ZNF469: variants seen among roughly 807,000 people sequenced by gnomAD.
ZNF469 encodes the protein zinc finger protein 469.
ZNF469 carries 1 observed loss-of-function variant against 1.0 expected under a neutral mutation model. That is an observed-to-expected ratio of 1.00 (90% CI 0.35 to 4.73). The LOEUF (loss-of-function observed/expected upper bound fraction) is 4.73, where lower values mean the gene tolerates loss of function less well. ZNF469 is among the 30% of genes most tolerant of loss of function. The pLI, the probability that ZNF469 is intolerant of heterozygous loss-of-function variation, is 0.16. For synonymous variants in ZNF469, 2,703 were observed against 2,363.4 expected (o/e 1.14, Z -4.17); for missense variants, 6,100 against 5,356.3 (o/e 1.14, Z -4.33).
At chr16:88,238,857 C>T in the ZNF469 span, among the ~76,000 whole-genome samples, 19 of 152,356 alleles carry the variant, frequency 1.2e-4, no homozygotes, top group East Asian at 3.5e-3. Context: ...GGAATCACTG[C>T]ATACAGAACA....
At chr16:88,320,338 C>G in the ZNF469 span, among the ~76,000 whole-genome samples, 1 of 152,114 alleles carries the variant, frequency 6.6e-6, no homozygotes, top group African/African-American at 2.4e-5. Flanking sequence ...TGAGGCCTTG[C>G]GTCTTCATCA....
chr16:88,269,250 C>A, the ZNF469 span, among the ~76,000 whole-genome samples: 13 of 152,160 alleles, frequency 8.5e-5, no homozygotes, highest in Non-Finnish European at 1.5e-4. Context: ...GCCTTAGCTT[C>A]TTTCCCTGCA....
chr16:88,272,232 G>C, the ZNF469 span, among the ~76,000 whole-genome samples: 1 of 72,152 alleles, frequency 1.4e-5, no homozygotes, highest in Non-Finnish European at 3.6e-5. Context: ...TGGATGAGTA[G>C]ATGGATGGAT....
the ZNF469 span, among the ~76,000 whole-genome samples, chr16:88,358,274 G>A: frequency 9.6e-4 from 146 of 152,272 alleles, no homozygotes; most frequent in African/African-American, 3.2e-3. Context: ...CCCCCACCAC[G>A]GCCCCGCAGC....
At chr16:88,382,893 A>T (rs2092528757), upstream of ZNF469, among the ~76,000 whole-genome samples, 1 of 143,436 alleles carries the variant, frequency 7.0e-6, no homozygotes, top group African/African-American at 2.6e-5. Context: ...GGCGCTAAAA[A>T]TAGCTGGGGG....
chr16:88,366,000 T>C, the ZNF469 span, among the ~76,000 whole-genome samples: 4 of 152,330 alleles, frequency 2.6e-5, no homozygotes, highest in East Asian at 3.9e-4. Flanking sequence ...CAGTCTACTA[T>C]GTGTTACAAT....
At chr16:88,363,151 T>C in the ZNF469 span, among the ~76,000 whole-genome samples, 2 of 152,256 alleles carry the variant, frequency 1.3e-5, no homozygotes, top group Non-Finnish European at 2.9e-5. Context: ...GTAAAAGAAC[T>C]ACTTTTAAAA....
At chr16:88,336,729 C>T in the ZNF469 span, among the ~76,000 whole-genome samples, 317 of 152,388 alleles carry the variant, frequency 2.1e-3, 4 homozygotes, top group African/African-American at 6.9e-3. Context: ...GCCAATACCA[C>T]GCAGACTCAT....
intron 1 of ZNF469, among the ~76,000 whole-genome samples, chr16:88,423,927 G>A (rs1240885601): frequency 1.3e-5 from 2 of 152,266 alleles, no homozygotes. Context: ...GCTCAGCTGT[G>A]TTCAAGTGGA....
At chr16:88,218,038 A>T in the ZNF469 span, among the ~76,000 whole-genome samples, 1 of 137,732 alleles carries the variant, frequency 7.3e-6, no homozygotes, top group Non-Finnish European at 1.6e-5. Flanking sequence ...CAATGGTTGA[A>T]CTAGTTTACA....
the ZNF469 span, among the ~76,000 whole-genome samples, chr16:88,269,993 C>T: frequency 2.0e-5 from 3 of 152,124 alleles, no homozygotes; most frequent in African/African-American, 4.8e-5. Context: ...GATCTAGGTT[C>T]GCGTCCTGCA....
At chr16:88,122,291 A>G in the ZNF469 span, among the ~76,000 whole-genome samples, 1 of 147,740 alleles carries the variant, frequency 6.8e-6, no homozygotes, top group South Asian at 2.1e-4. Flanking sequence ...TGCTACGGCC[A>G]CGATGGCCCC....
At chr16:88,403,555 C>G (rs1007189753) in intron 1 of ZNF469, among the ~76,000 whole-genome samples, 6 of 152,044 alleles carry the variant, frequency 3.9e-5, no homozygotes, top group African/African-American at 1.2e-4. Flanking sequence ...ATCGAGGCCA[C>G]CGTCTGCAGA....
chr16:88,262,966 G>A, the ZNF469 span, among the ~76,000 whole-genome samples: 1 of 152,256 alleles, frequency 6.6e-6, no homozygotes, highest in African/African-American at 2.4e-5. The surrounding 1 kb of genome is among the most constrained non-coding windows in gnomAD (Gnocchi z 4.3). Flanking sequence ...TCTCAGTGGA[G>A]GAGCGTTTCA....
chr16:88,210,199 T>C, the ZNF469 span, among the ~76,000 whole-genome samples: 1 of 152,088 alleles, frequency 6.6e-6, no homozygotes, highest in East Asian at 1.9e-4. Flanking sequence ...TTTTGGTAAA[T>C]TATCTCTTCA....
chr16:88,420,956 C>T (rs936379571), intron 1 of ZNF469, among the ~76,000 whole-genome samples: 8 of 151,936 alleles, frequency 5.3e-5, no homozygotes, highest in South Asian at 2.1e-4. Context: ...GGAAGGGAAA[C>T]GGGAGGGGCA....
chr16:88,440,529 C>G lies in ZNF469; in HGVS notation c.*1197C>G, dbSNP rs942821329. ...TTGAAGATCCATGGTTTGTTTTGCT[C>G]TATTGTTTAGTTTTTACTTGGGTGC... On this transcript the variant is annotated 3_prime_UTR_variant, in exon 3 of 3. Coordinates refer to ENST00000565624, the MANE Select transcript of ZNF469 (RefSeq NM_001367624.2). The G allele has an allele frequency of 1.2e-4, 19 of 152,080 alleles. No individual in the cohort carries two copies. Among genetic ancestry groups the G allele is most frequent in the African/African-American group, 3.6e-4 (15 of 41,398 alleles). 9.4% of individuals were successfully genotyped at this position (152,080 alleles called of 1,614,324 possible).
At chr16:88,388,940 C>T (rs1446199526) in intron 1 of ZNF469, among the ~76,000 whole-genome samples, 3 of 152,108 alleles carry the variant, frequency 2.0e-5, no homozygotes, top group South Asian at 2.1e-4. Context: ...CTGTAGAAGC[C>T]GGGGAGCCAG....
intron 1 of ZNF469, among the ~76,000 whole-genome samples, chr16:88,402,044 G>C (rs369763785): frequency 3.6e-4 from 53 of 146,952 alleles, no homozygotes; most frequent in African/African-American, 1.3e-3. Context: ...AGATGGATGG[G>C]TGAGTGCATG....
Sources: allele counts gnomAD v4.1 joint callset (sites outside exome capture counted in the v4.1 genomes callset), GRCh38; gene constraint gnomAD v4.1.1; non-coding constraint Gnocchi (gnomAD v3.1); transcripts MANE v1.5; gene names NCBI Gene and HGNC (gene_info 2026-07-23, HGNC 2026-07-21).